OR52N5: variants seen among roughly 807,000 people sequenced by gnomAD.
The protein encoded by OR52N5 is olfactory receptor 52N5.
A neutral mutation model predicts 14.1 loss-of-function variants in OR52N5; 10 were observed. The observed-to-expected ratio is 0.71, with a 90% CI of 0.44 to 1.20. The LOEUF (loss-of-function observed/expected upper bound fraction) is 1.20, where lower values mean the gene tolerates loss of function less well. Ranked by LOEUF, OR52N5 falls within the 50% of genes most tolerant of loss-of-function variation. The pLI is 0.00. For missense variants in OR52N5, 361 were observed against 403.2 expected (o/e 0.90, Z 0.90); for synonymous variants, 116 against 143.0 (o/e 0.81, Z 1.35).
Position 5,778,250 on chromosome 11 carries a change from GA to G in OR52N5, c.384del (p.Leu129Ter). 1.3e-6 allele frequency: 2 copies of G among 1,520,616 alleles called. 1 individual carries two copies. Among genetic ancestry groups the G allele is most frequent in the Non-Finnish European group, 1.8e-6 (2 of 1,114,338 alleles). The allele number at this position is 1,520,616 out of a possible 1,614,324, so 94.2% of individuals were successfully genotyped here. Reference sequence around the variant, plus strand: ...TAGCAAATGGCTACATAGCGGTCTAGAGCCATGAGCATGAGCACCCCAGACT... The same window carrying G: ...TAGCAAATGGCTACATAGCGGTCTAGGCCATGAGCATGAGCACCCCAGACT... ...GVESGVLMLM[A>X]LDRYVAICYP... On this transcript the variant is annotated frameshift_variant, in exon 3 of 3. Coordinates refer to ENST00000641181, the MANE Select transcript of OR52N5 (RefSeq NM_001385662.1). LOFTEE classifies it high-confidence loss of function.
rs1362944409 is a variant in OR52N5 at position 5,780,705 on chromosome 11, G to GA, written c.-24+827dup. On this transcript the variant is annotated intron_variant, in intron 2 of 2. Coordinates refer to ENST00000641181, the MANE Select transcript of OR52N5 (RefSeq NM_001385662.1). ...TTTGACTCAGTAACATACCAAGACT[G>GA]AAAGATGAAACAGAAAAGAAAGCCC... Among the ~76,000 whole-genome samples, 7 of 139,228 alleles carry GA rather than the reference G, an allele frequency of 5.0e-5. No homozygotes were observed. In the Admixed American group the frequency reaches 5.2e-4, roughly 10 times the overall value. The allele number at this position is 139,228 out of a possible 152,430, so 91.3% of individuals were successfully genotyped here. A position where few individuals can be genotyped will look rare whatever the true frequency, so the allele number is the denominator to read the frequency against.
In OR52N5 at chr11:5,777,861, G is replaced by A. The variant is rs146427121; in HGVS notation, c.774C>T (p.Ile258=). ...STCTAHISAI[I]ITYVPAFFTF... is the part of the protein sequence containing the mutation. The stretch of plus-strand genomic sequence containing the variant: ...TGAAGAATGCTGGAACATAGGTGAT[G>A]ATGATGGCAGATATATGGGCAGTGC... Residue 258 remains isoleucine (I), a synonymous_variant, in exon 3 of 3, where the codon ATC becomes ATT. Transcript: ENST00000641181. 1.5e-4 allele frequency: 235 copies of A among 1,519,682 alleles called. 39 individuals carry two copies. The African/African-American group carries it at 2.5e-3, about 16-fold the overall frequency. 94.1% of individuals were successfully genotyped at this position (1,519,682 alleles called of 1,614,324 possible). A position where few individuals can be genotyped will look rare whatever the true frequency, so the allele number is the denominator to read the frequency against.
Position 5,778,344 on chromosome 11 carries a change from A to G in OR52N5, c.291T>C (p.Ser97=), listed in dbSNP as rs2134225418. The change falls in exon 3 of 3, where the codon AGT becomes AGC. Residue 97 remains serine (S), a synonymous_variant. Coordinates refer to ENST00000641181, the MANE Select transcript of OR52N5 (RefSeq NM_001385662.1). Reference sequence around the variant, plus strand: ...AAGCATTGAAGTTAATTTCTTTGAGACTGAACCAGAAGATGCAGAGTGCAT... The same window carrying G: ...AAGCATTGAAGTTAATTTCTTTGAGGCTGAACCAGAAGATGCAGAGTGCAT... ...LPNALCIFWF[S]LKEINFNACL... is the part of the protein sequence containing the mutation. The G allele has an allele frequency of 1.3e-6, 2 of 1,520,406 alleles. No homozygotes were observed. Among genetic ancestry groups the G allele is most frequent in the East Asian group, 4.7e-5 (2 of 42,824 alleles). The allele number at this position is 1,520,406 out of a possible 1,614,324, so 94.2% of individuals were successfully genotyped here. A position where few individuals can be genotyped will look rare whatever the true frequency, so the allele number is the denominator to read the frequency against.
Position 5,778,910 on chromosome 11 carries a change from G to T in OR52N5, c.-23-253C>A, listed in dbSNP as rs1337000906. ...CCACAAAATAAAAGTAGAAACTGGG[G>T]CGCAGAAAGATTGAATAATATTAAA... On this transcript the variant is annotated intron_variant, in intron 2 of 2. Transcript: ENST00000641181. 7.2e-5 allele frequency among the ~76,000 whole-genome samples: 10 copies of T among 139,376 alleles called. 3 individuals carry two copies. Among genetic ancestry groups the T allele is most frequent in the African/African-American group, 2.6e-4 (10 of 37,998 alleles). 91.4% of individuals were successfully genotyped at this position (139,376 alleles called of 152,430 possible). A position where few individuals can be genotyped will look rare whatever the true frequency, so the allele number is the denominator to read the frequency against.
rs370664061 is a variant in OR52N5, at chr11:5,776,315, A to T, written c.*1345T>A. On this transcript the variant is annotated 3_prime_UTR_variant, in exon 3 of 3. Coordinates refer to ENST00000641181, the MANE Select transcript of OR52N5 (RefSeq NM_001385662.1). ...GAATGAATCAGTGAATCAATGATTTAATCAATCATTTCACCAATTGGTTGA... is the reference window on the plus strand; with the variant it reads ...GAATGAATCAGTGAATCAATGATTTTATCAATCATTTCACCAATTGGTTGA... 1 of 140,470 alleles carries T rather than the reference A, an allele frequency of 7.1e-6. No individual in the cohort carries two copies. Among genetic ancestry groups the T allele is most frequent in the South Asian group, 2.3e-4 (1 of 4,304 alleles). The allele number at this position is 140,470 out of a possible 1,614,324, so 8.7% of individuals were successfully genotyped here. A position where few individuals can be genotyped will look rare whatever the true frequency, so the allele number is the denominator to read the frequency against.
In OR52N5 at chr11:5,777,926, G is replaced by A. The variant is rs751902450; in HGVS notation, c.709C>T (p.Leu237Phe). Residue 237 changes from leucine to phenylalanine, a missense_variant, in exon 3 of 3, where the codon CTC becomes TTC. Leu to Phe is a conservative substitution (Grantham distance 22, BLOSUM62 0). Coordinates refer to ENST00000641181, the MANE Select transcript of OR52N5 (RefSeq NM_001385662.1). Reference protein sequence around the residue: ...YTLILKAAISLSSSDARQKAF... With the variant: ...YTLILKAAISFSSSDARQKAF... ...TTCTGCCGAGCATCTGATGAAGAGA[G>A]GCTGATCGCTGCCTTGAGGATCAAA... The A allele has an allele frequency of 2.0e-6, 3 of 1,521,442 alleles. 1 individual carries two copies. Among genetic ancestry groups the A allele is most frequent in the African/African-American group, 2.8e-5 (2 of 70,232 alleles). The allele number at this position is 1,521,442 out of a possible 1,614,324, so 94.2% of individuals were successfully genotyped here.
Position 5,777,821 on chromosome 11 carries a change from G to T in OR52N5, c.814C>A (p.Arg272Ser). ...GGGGGAATTGTGTGTCCCCCAAAAC[G>T]GTGGGCAAAGAAAGTGAAGAATGCT... ...VPAFFTFFAH[R>S]FGGHTIPPSL... Residue 272 changes from arginine (R) to serine (S), a missense_variant, in exon 3 of 3, where the codon CGT becomes AGT. Arg to Ser is a moderately radical substitution (Grantham distance 110, BLOSUM62 -1). Transcript: ENST00000641181. 6.6e-7 allele frequency: 1 copy of T among 1,520,330 alleles called. No individual in the cohort carries two copies. Among genetic ancestry groups the T allele is most frequent in the Non-Finnish European group, 9.0e-7 (1 of 1,114,092 alleles). 94.2% of individuals were successfully genotyped at this position (1,520,330 alleles called of 1,614,324 possible).
chr11:5,778,022 C>G lies in OR52N5; in HGVS notation c.613G>C (p.Val205Leu), dbSNP rs1344249268. The G allele has an allele frequency of 2.7e-5, 41 of 1,521,254 alleles. 8 individuals are homozygous for G. Among genetic ancestry groups the G allele is most frequent in the Non-Finnish European group, 3.6e-5 (40 of 1,114,320 alleles). The allele number at this position is 1,521,254 out of a possible 1,614,324, so 94.2% of individuals were successfully genotyped here. The stretch of plus-strand genomic sequence containing the variant: ...AGAGCAACCATTAGACCATAGATTA[C>G]ATTGACCTTGATGCTGGCACAAGAT... Reference protein sequence around the residue: ...KLSCASIKVNVIYGLMVALLI... With the variant: ...KLSCASIKVNLIYGLMVALLI... The change falls in exon 3 of 3, where the codon GTA becomes CTA. Residue 205 changes from valine (V) to leucine (L), a missense_variant. Transcript: ENST00000641181.
In OR52N5 at chr11:5,778,157, T is replaced by A; in HGVS notation, c.478A>T (p.Arg160Trp). ...IAKAELATFL[R>W]GVLLMIPFPF... ...AAAGGAATCATCAGCAATACACCCC[T>A]CAGGAAGGTGGCAAGCTCAGCCTTG... is the stretch of plus-strand genomic sequence containing the variant. The change falls in exon 3 of 3, where the codon AGG (arginine) becomes TGG (tryptophan). Residue 160 changes from arginine to tryptophan, a missense_variant. Coordinates refer to ENST00000641181, the MANE Select transcript of OR52N5 (RefSeq NM_001385662.1). The A allele has an allele frequency of 6.6e-7, 1 of 1,521,064 alleles. No homozygotes were observed. Among genetic ancestry groups the A allele is most frequent in the Non-Finnish European group, 9.0e-7 (1 of 1,114,682 alleles). The allele number at this position is 1,521,064 out of a possible 1,614,324, so 94.2% of individuals were successfully genotyped here.
Position 5,778,873 on chromosome 11 carries a change from G to C in OR52N5, c.-23-216C>G, listed in dbSNP as rs991347324. On this transcript the variant is annotated intron_variant, in intron 2 of 2. Transcript: ENST00000641181. ...ATTCCATAGCCATAAGTAAAAAGTT[G>C]TATTTTTTTTACCACAAAATAAAAG... Among the ~76,000 whole-genome samples, 2 of 139,658 alleles carry C rather than the reference G, an allele frequency of 1.4e-5. 1 individual carries two copies. Among genetic ancestry groups the C allele is most frequent in the Non-Finnish European group, 3.2e-5 (2 of 63,292 alleles). The allele number at this position is 139,658 out of a possible 152,430, so 91.6% of individuals were successfully genotyped here. A position where few individuals can be genotyped will look rare whatever the true frequency, so the allele number is the denominator to read the frequency against.
chr11:5,781,192 AT>A (rs1296249925), intron 2 of OR52N5, among the ~76,000 whole-genome samples: 1 of 139,406 alleles, frequency 7.2e-6, no homozygotes, highest in Non-Finnish European at 1.6e-5. Flanking sequence ...TCAGTGATTT[AT>A]TTTCTCATTT....
rs1854504734 is a variant in OR52N5 at position 5,777,561 on chromosome 11, T to C, written c.*99A>G. On this transcript the variant is annotated 3_prime_UTR_variant, in exon 3 of 3. Coordinates refer to ENST00000641181, the MANE Select transcript of OR52N5 (RefSeq NM_001385662.1). The stretch of plus-strand genomic sequence containing the variant: ...AAAACATAGACTGAGAGAGAAAATG[T>C]ATGATACTACACATGAATAAATGTA... 3.2e-6 allele frequency: 3 copies of C among 931,770 alleles called. No homozygotes were observed. Among genetic ancestry groups the C allele is most frequent in the Admixed American group, 6.4e-5 (2 of 31,470 alleles). 57.7% of individuals were successfully genotyped at this position (931,770 alleles called of 1,614,324 possible). A position where few individuals can be genotyped will look rare whatever the true frequency, so the allele number is the denominator to read the frequency against.
rs781016646 is a variant in OR52N5, at chr11:5,778,108, G to A, written c.527C>T (p.Pro176Leu). 5.3e-6 allele frequency: 8 copies of A among 1,520,592 alleles called. 2 individuals are homozygous for A. The Admixed American group carries it at 1.4e-4, about 27-fold the overall frequency. The allele number at this position is 1,520,592 out of a possible 1,614,324, so 94.2% of individuals were successfully genotyped here. The change falls in exon 3 of 3, where the codon CCT becomes CTT. Residue 176 changes from proline (P) to leucine (L), a missense_variant. Pro to Leu is a moderately conservative substitution (Grantham distance 98). Coordinates refer to ENST00000641181, the MANE Select transcript of OR52N5 (RefSeq NM_001385662.1). Reference sequence around the variant, plus strand: ...GGAGATAATATTGCTTTGGCAGAAAGGCAAACGCTTAACCAAGAATGGGAA... The same window carrying A: ...GGAGATAATATTGCTTTGGCAGAAAAGCAAACGCTTAACCAAGAATGGGAA... ...IPFPFLVKRLPFCQSNIISHT... is the reference protein window; with the variant it reads ...IPFPFLVKRLLFCQSNIISHT...
At chr11:5,778,786 T>C in intron 2 of OR52N5, 129 bp from the exon 3 acceptor site, 1 of 534,864 alleles carries the variant, frequency 1.9e-6, no homozygotes, top group Middle Eastern at 5.3e-4. Context: ...AAATATACAA[T>C]GTATTGAATA....
Position 5,782,327 on chromosome 11 carries a change from C to G in OR52N5, c.-247-571G>C, listed in dbSNP as rs1325772752. On this transcript the variant is annotated intron_variant, in intron 1 of 2. Coordinates refer to ENST00000641181, the MANE Select transcript of OR52N5 (RefSeq NM_001385662.1). ...TTAGGTTTACCTTGCACATAAATAG[C>G]AGATTTGCATATCAACTCCAATATT... Among the ~76,000 whole-genome samples the G allele has an allele frequency of 3.6e-5, 5 of 139,662 alleles. 2 individuals carry two copies. The highest frequency in any genetic ancestry group is 6.3e-5 in the Non-Finnish European group (4 of 63,332). The allele number at this position is 139,662 out of a possible 152,430, so 91.6% of individuals were successfully genotyped here. A position where few individuals can be genotyped will look rare whatever the true frequency, so the allele number is the denominator to read the frequency against.
chr11:5,776,596 T>C lies in OR52N5; in HGVS notation c.*1064A>G, dbSNP rs1386658339. On this transcript the variant is annotated 3_prime_UTR_variant, in exon 3 of 3. Transcript: ENST00000641181. ...TTTAAGAATATATCCAAGATGAATA[T>C]ATTAGATAAAAGTTGTGTGAATTCA... The C allele has an allele frequency of 1.3e-4, 18 of 140,840 alleles. 3 individuals are homozygous for C. The highest frequency in any genetic ancestry group is 4.7e-4 in the African/African-American group (18 of 38,532). The allele number at this position is 140,840 out of a possible 1,614,324, so 8.7% of individuals were successfully genotyped here.
In OR52N5 at chr11:5,777,582, A is replaced by G. The variant is rs1287114521; in HGVS notation, c.*78T>C. Reference sequence around the variant, plus strand: ...AATGTATGATACTACACATGAATAAATGTAAAATATCACACGTAAGTTTAT... The same window carrying G: ...AATGTATGATACTACACATGAATAAGTGTAAAATATCACACGTAAGTTTAT... On this transcript the variant is annotated 3_prime_UTR_variant, in exon 3 of 3. Transcript: ENST00000641181. 11 of 1,099,410 alleles carry G rather than the reference A, an allele frequency of 1.0e-5. 4 individuals carry two copies. Among genetic ancestry groups the G allele is most frequent in the Non-Finnish European group, 1.4e-5 (11 of 787,954 alleles). 68.1% of individuals were successfully genotyped at this position (1,099,410 alleles called of 1,614,324 possible). A position where few individuals can be genotyped will look rare whatever the true frequency, so the allele number is the denominator to read the frequency against.
rs1854495367 is a variant in OR52N5, at chr11:5,776,585, C to G, written c.*1075G>C. ...CTCTTTCAAAGTTTAAGAATATATCCAAGATGAATATATTAGATAAAAGTT... is the reference window on the plus strand; with the variant it reads ...CTCTTTCAAAGTTTAAGAATATATCGAAGATGAATATATTAGATAAAAGTT... On this transcript the variant is annotated 3_prime_UTR_variant, in exon 3 of 3. Coordinates refer to ENST00000641181, the MANE Select transcript of OR52N5 (RefSeq NM_001385662.1). 1 of 140,426 alleles carries G rather than the reference C, an allele frequency of 7.1e-6. No homozygotes were observed. Among genetic ancestry groups the G allele is most frequent in the African/African-American group, 2.6e-5 (1 of 38,404 alleles). The allele number at this position is 140,426 out of a possible 1,614,324, so 8.7% of individuals were successfully genotyped here.
At position 5,777,375 on chromosome 11, in the gene OR52N5, T is replaced by G. The variant is rs1169853322; in HGVS notation, c.*285A>C. On this transcript the variant is annotated 3_prime_UTR_variant, in exon 3 of 3. Coordinates refer to ENST00000641181, the MANE Select transcript of OR52N5 (RefSeq NM_001385662.1). ...GCCATTCTGTAAGGTTTATATATAT[T>G]TAAAACATTATGTTATATATGACAT... 1.0e-5 allele frequency: 2 copies of G among 192,198 alleles called. No individual in the cohort carries two copies. The highest frequency in any genetic ancestry group is 1.0e-5 in the Non-Finnish European group (1 of 97,686). The allele number at this position is 192,198 out of a possible 1,614,324, so 11.9% of individuals were successfully genotyped here. A position where few individuals can be genotyped will look rare whatever the true frequency, so the allele number is the denominator to read the frequency against.
Sources: gnomAD v4.1 joint callset for allele counts (sites outside exome capture counted in the v4.1 genomes callset) on GRCh38, gnomAD v4.1.1 for gene constraint, MANE v1.5 for transcripts, NCBI Gene and HGNC (gene_info 2026-07-23, HGNC 2026-07-21) for gene names.